The following NPAS2 variants were observed in gnomAD, a reference collection of about 807,000 sequenced individuals.
NPAS2 encodes neuronal PAS domain protein 2.
In NPAS2, 23 loss-of-function variants were observed where a neutral mutation model predicts 107.5. The observed-to-expected ratio is 0.21, with a 90% CI of 0.15 to 0.30. NPAS2 has a LOEUF of 0.30. NPAS2 is among the 10% of genes least tolerant of loss of function. The pLI is 1.00. For synonymous variants in NPAS2, 403 were observed against 417.5 expected (o/e 0.97, Z 0.42); for missense variants, 756 against 1,043.3 (o/e 0.72, Z 3.79).
intron 5 of NPAS2, among the ~76,000 whole-genome samples, chr2:100,942,880 G>T (rs752324332): frequency 2.0e-5 from 3 of 152,198 alleles, no homozygotes; most frequent in Non-Finnish European, 4.4e-5. Context: ...AACATCGTTT[G>T]TGCTTCGCAT....
At chr2:100,850,051 G>GA (rs1189768316) in intron 1 of NPAS2, among the ~76,000 whole-genome samples, 6 of 55,972 alleles carry the variant, frequency 1.1e-4, no homozygotes, top group Admixed American at 5.0e-4. Flanking sequence ...AGAGAAAATA[G>GA]AAAAAAAAAT....
chr2:100,990,631 C>A, intron 18 of NPAS2, 149 bp from the exon 19 acceptor site: 2 of 950,174 alleles, frequency 2.1e-6, no homozygotes, highest in South Asian at 1.5e-5. Flanking sequence ...TTACCCGCTG[C>A]GTCCATCATC....
intron 1 of NPAS2, among the ~76,000 whole-genome samples, chr2:100,853,157 T>C (rs1289377391): frequency 2.6e-5 from 4 of 152,172 alleles, no homozygotes; most frequent in African/African-American, 7.2e-5. Context: ...AGTGAATAAA[T>C]TGTGGTCAAG....
intron 1 of NPAS2, among the ~76,000 whole-genome samples, chr2:100,873,364 G>A (rs35871470): frequency 0.086 from 10,545 of 122,858 alleles, 1,062 homozygotes; most frequent in African/African-American, 0.25. Flanking sequence ...ACACATATGT[G>A]TATATATATA....
intron 1 of NPAS2, among the ~76,000 whole-genome samples, chr2:100,826,935 G>C (rs3849374): frequency 0.34 from 51,992 of 152,042 alleles, 11,864 homozygotes; most frequent in East Asian, 0.64. Flanking sequence ...TGATTGTTTT[G>C]ACGTGAACAT....
intron 1 of NPAS2, among the ~76,000 whole-genome samples, chr2:100,879,940 T>C (rs1289835442): frequency 1.3e-5 from 2 of 152,140 alleles, no homozygotes; most frequent in African/African-American, 2.4e-5. Context: ...CCGGGCCCAC[T>C]TCTGAAAACC....
intron 19 of NPAS2, among the ~76,000 whole-genome samples, chr2:100,991,302 T>C (rs1038540082): frequency 6.6e-6 from 1 of 152,164 alleles, no homozygotes; most frequent in Non-Finnish European, 1.5e-5. Flanking sequence ...GCCCCCTCTC[T>C]GCCTTCCCCA....
intron 1 of NPAS2, among the ~76,000 whole-genome samples, chr2:100,831,164 G>A (rs1380460158): frequency 1.3e-5 from 2 of 152,004 alleles, no homozygotes; most frequent in Admixed American, 6.6e-5. Context: ...GCCGGGTGTG[G>A]TGATGGCTGT....
Position 100,820,655 on chromosome 2 carries a change from T to A in NPAS2, c.-23+241T>A, listed in dbSNP as rs557693010. On this transcript the variant is annotated intron_variant, in intron 1 of 20. Transcript: ENST00000335681. This position sits in a 1 kb window ranked among gnomAD's most constrained non-coding sequence, Gnocchi z 5.6. Reference sequence around the variant, plus strand: ...CAGGAGGTAGCAATCGCTGGGCCGGTGGGCTCCGGGCGCGTCTCGACGCAG... The same window carrying A: ...CAGGAGGTAGCAATCGCTGGGCCGGAGGGCTCCGGGCGCGTCTCGACGCAG... Among the ~76,000 whole-genome samples the A allele has an allele frequency of 6.6e-5, 10 of 152,070 alleles. No individual in the cohort carries two copies. The highest frequency in any genetic ancestry group is 2.4e-4 in the African/African-American group (10 of 41,510).
In NPAS2 at chr2:100,901,541, C is replaced by T. The variant is rs139547361; in HGVS notation, c.-22-3192C>T. On this transcript the variant is annotated intron_variant, in intron 1 of 20. Coordinates refer to ENST00000335681, the MANE Select transcript of NPAS2 (RefSeq NM_002518.4). Reference sequence around the variant, plus strand: ...GCGTGTTCCCTTCTCTCTTCCCTGACGCTCCCCTGTGCAGAGGATCCTGCA... The same window carrying T: ...GCGTGTTCCCTTCTCTCTTCCCTGATGCTCCCCTGTGCAGAGGATCCTGCA... 1.2e-4 allele frequency: 116 copies of T among 985,288 alleles called. 2 individuals carry two copies. In the African/African-American group the frequency reaches 1.7e-3, roughly 14 times the overall value. The allele number at this position is 985,288 out of a possible 1,614,324, so 61.0% of individuals were successfully genotyped here. A position where few individuals can be genotyped will look rare whatever the true frequency, so the allele number is the denominator to read the frequency against.
intron 1 of NPAS2, among the ~76,000 whole-genome samples, chr2:100,885,071 C>T (rs1411757581): frequency 6.6e-6 from 1 of 151,980 alleles, no homozygotes; most frequent in Non-Finnish European, 1.5e-5. Flanking sequence ...GCCTCAGCCT[C>T]CCGCGTAGCT....
At chr2:100,873,884 G>A (rs1466844664) in intron 1 of NPAS2, among the ~76,000 whole-genome samples, 1 of 151,852 alleles carries the variant, frequency 6.6e-6, no homozygotes, top group Non-Finnish European at 1.5e-5. Context: ...CTTAAAGACA[G>A]AAATGTCTTC....
At chr2:100,908,315 C>T (rs1682301049) in intron 2 of NPAS2, among the ~76,000 whole-genome samples, 1 of 152,010 alleles carries the variant, frequency 6.6e-6, no homozygotes, top group South Asian at 2.1e-4. Flanking sequence ...GCAGAGCGCT[C>T]ACAGCCTGCC....
In NPAS2 at chr2:100,990,415, A is replaced by T. The variant is rs748216483; in HGVS notation, c.1987A>T (p.Ser663Cys). ...CCAGGATGCCAGCCAGTGCCAGCCC[A>T]GCCCAGACTTCAGCCATGATCGGCA... The part of the protein sequence containing the change: ...TSQDASQCQP[S>C]PDFSHDRQLR... The change falls in exon 18 of 21, where the codon AGC becomes TGC. Residue 663 changes from serine (S) to cysteine (C), a missense_variant. Ser to Cys is a moderately radical substitution (Grantham distance 112). Transcript: ENST00000335681. 6.2e-7 allele frequency: 1 copy of T among 1,614,112 alleles called. No homozygotes were observed. Among genetic ancestry groups the T allele is most frequent in the Non-Finnish European group, 8.5e-7 (1 of 1,180,042 alleles).
At chr2:100,887,256 C>A (rs1680754100) in intron 1 of NPAS2, among the ~76,000 whole-genome samples, 1 of 152,194 alleles carries the variant, frequency 6.6e-6, no homozygotes, top group Admixed American at 6.5e-5. Context: ...TCAAAGCGTT[C>A]CAGCTTCTGA....
intron 1 of NPAS2, among the ~76,000 whole-genome samples, chr2:100,845,021 G>A (rs1303961140): frequency 6.6e-6 from 1 of 152,132 alleles, no homozygotes; most frequent in African/African-American, 2.4e-5. Flanking sequence ...CAGGCAGGGG[G>A]TGGGAAAGCC....
intron 1 of NPAS2, chr2:100,878,057 G>T (rs1255140604): frequency 2.0e-6 from 2 of 985,226 alleles, no homozygotes; most frequent in Non-Finnish European, 2.4e-6. Flanking sequence ...TGGACCTGCC[G>T]TGATTGCAAA....
chr2:100,971,826 G>T (rs945724829), intron 12 of NPAS2, among the ~76,000 whole-genome samples: 5 of 151,770 alleles, frequency 3.3e-5, no homozygotes, highest in Admixed American at 2.0e-4. Flanking sequence ...GTTCCTCGGA[G>T]TCCATTCTTA....
chr2:100,864,886 T>G (rs13017728), intron 1 of NPAS2, among the ~76,000 whole-genome samples: 8,655 of 152,330 alleles, frequency 0.057, 361 homozygotes, highest in Middle Eastern at 0.14. Context: ...TATTAATTCA[T>G]TTAAAAATAA....
Sources: gnomAD v4.1 joint callset for allele counts (sites outside exome capture counted in the v4.1 genomes callset) on GRCh38, gnomAD v4.1.1 for gene constraint, Gnocchi (gnomAD v3.1) non-coding constraint, MANE v1.5 for transcripts, NCBI Gene and HGNC (gene_info 2026-07-23, HGNC 2026-07-21) for gene names.